The following SFSWAP variants were observed in gnomAD, a reference collection of about 807,000 sequenced individuals.
SFSWAP encodes splicing factor, suppressor of white-apricot homolog.
In SFSWAP, 17 loss-of-function variants were observed where a neutral mutation model predicts 100.7. That is an observed-to-expected ratio of 0.17 (90% CI 0.12 to 0.25). SFSWAP has a LOEUF of 0.25. Ranked by LOEUF, SFSWAP falls within the 10% of genes least tolerant of loss-of-function variation. SFSWAP has a pLI of 1.00. For synonymous variants in SFSWAP, 504 were observed against 510.1 expected (o/e 0.99, Z 0.16); for missense variants, 1,005 against 1,262.6 (o/e 0.80, Z 3.09).
chr12:131,767,521 A>G (rs1883210514), intron 13 of SFSWAP, among the ~76,000 whole-genome samples: 1 of 152,246 alleles, frequency 6.6e-6, no homozygotes. Flanking sequence ...AAACTGTGAC[A>G]AAACTGGGCA....
chr12:131,797,043 G>T (rs1885728201), intron 15 of SFSWAP, 135 bp from the exon 16 acceptor site: 2 of 709,436 alleles, frequency 2.8e-6, no homozygotes, highest in Admixed American at 4.6e-5. Flanking sequence ...GAAGTTAATG[G>T]GTTTGGAGTG....
chr12:131,741,561 G>A (rs528376768), intron 7 of SFSWAP, among the ~76,000 whole-genome samples: 1 of 151,486 alleles, frequency 6.6e-6, no homozygotes, highest in South Asian at 2.1e-4. Context: ...TGGCAGAGGG[G>A]AGGGCATCGA....
intron 15 of SFSWAP, among the ~76,000 whole-genome samples, chr12:131,790,604 T>A (rs1325867298): frequency 1.3e-5 from 2 of 152,184 alleles, no homozygotes; most frequent in African/African-American, 4.8e-5. Context: ...CATCCAGGGC[T>A]TTTCACAAGA....
intron 15 of SFSWAP, among the ~76,000 whole-genome samples, chr12:131,795,380 G>A (rs973208121): frequency 4.6e-5 from 7 of 152,212 alleles, no homozygotes; most frequent in Non-Finnish European, 8.8e-5. Flanking sequence ...AAGGGAGCCC[G>A]GACAGAAACG....
intron 1 of SFSWAP, chr12:131,713,638 T>G (rs985156512): frequency 6.6e-6 from 1 of 152,484 alleles, no homozygotes. Flanking sequence ...TTCGACCGTT[T>G]GGTTCTTACG....
chr12:131,770,721 G>A (rs1024264966), intron 13 of SFSWAP, among the ~76,000 whole-genome samples: 5 of 152,044 alleles, frequency 3.3e-5, no homozygotes, highest in African/African-American at 7.3e-5. Flanking sequence ...CCATTTTACC[G>A]TTTTTAACTG....
chr12:131,790,881 A>G (rs1458537793), intron 15 of SFSWAP, among the ~76,000 whole-genome samples: 1 of 152,214 alleles, frequency 6.6e-6, no homozygotes, highest in Non-Finnish European at 1.5e-5. Flanking sequence ...AGCAACCACT[A>G]AAAACAAAAA....
At chr12:131,721,479 C>T (rs1211036476) in intron 4 of SFSWAP, among the ~76,000 whole-genome samples, 1 of 152,156 alleles carries the variant, frequency 6.6e-6, no homozygotes, top group Non-Finnish European at 1.5e-5. Flanking sequence ...TAACATGAAG[C>T]TTTAAAAAAT....
intron 14 of SFSWAP, among the ~76,000 whole-genome samples, chr12:131,781,028 T>C (rs1884459567): frequency 6.6e-6 from 1 of 152,172 alleles, no homozygotes; most frequent in Admixed American, 6.5e-5. Context: ...CATTGGCATA[T>C]TCAGAGCTGA....
chr12:131,791,179 G>A (rs1342723432), intron 15 of SFSWAP, among the ~76,000 whole-genome samples: 1 of 151,706 alleles, frequency 6.6e-6, no homozygotes, highest in Non-Finnish European at 1.5e-5. Flanking sequence ...GATCACCTGG[G>A]GTCAGGAGTT....
Position 131,726,706 on chromosome 12 carries a change from C to T in SFSWAP, c.833-234C>T, listed in dbSNP as rs760320870. 7.8e-4 allele frequency among the ~76,000 whole-genome samples: 119 copies of T among 152,302 alleles called. 2 individuals carry two copies. The highest frequency in any genetic ancestry group is 1.2e-3 in the Non-Finnish European group (85 of 68,020). On this transcript the variant is annotated intron_variant, in intron 5 of 17. Transcript: ENST00000261674. ...GCAGAGAGAAAGAAAGCATACAGAG[C>T]CCCAGACCAGCTGGTGCTCGATGCT...
At chr12:131,746,754 T>A (rs145080812) in intron 7 of SFSWAP, among the ~76,000 whole-genome samples, 95 of 152,330 alleles carry the variant, frequency 6.2e-4, no homozygotes, top group South Asian at 2.7e-3. Context: ...GGTATGACTT[T>A]CCCTAAGAAT....
At chr12:131,741,942 C>G (rs1241761280) in intron 7 of SFSWAP, among the ~76,000 whole-genome samples, 1 of 152,086 alleles carries the variant, frequency 6.6e-6, no homozygotes, top group Non-Finnish European at 1.5e-5. Context: ...GCTCCTTCTT[C>G]CCTGGTGTGC....
chr12:131,716,244 A>G (rs1480870704), intron 3 of SFSWAP, among the ~76,000 whole-genome samples: 1 of 152,216 alleles, frequency 6.6e-6, no homozygotes, highest in Non-Finnish European at 1.5e-5. Context: ...GCTCTATTTT[A>G]TGAGCTTTTA....
Position 131,733,438 on chromosome 12 carries a change from G to A in SFSWAP, c.1081+5010G>A, listed in dbSNP as rs1475655363. 6.6e-6 allele frequency among the ~76,000 whole-genome samples: 1 copy of A among 152,160 alleles called. No homozygotes were observed. Among genetic ancestry groups the A allele is most frequent in the African/African-American group, 2.4e-5 (1 of 41,448 alleles). ...TAGGAGGAAATTTCACGATCATAAAGCACGGCATGCATCCTGAGAGCCAGG... is the reference window on the plus strand; with the variant it reads ...TAGGAGGAAATTTCACGATCATAAAACACGGCATGCATCCTGAGAGCCAGG... On this transcript the variant is annotated intron_variant, in intron 7 of 17. Coordinates refer to ENST00000261674, the MANE Select transcript of SFSWAP (RefSeq NM_004592.4). This position sits in a 1 kb window ranked among gnomAD's most constrained non-coding sequence, Gnocchi z 5.1.
rs1352518881 is a variant in SFSWAP, at chr12:131,778,221, A to G, written c.2299A>G (p.Thr767Ala). The G allele has an allele frequency of 6.8e-6, 11 of 1,614,114 alleles. No individual in the cohort carries two copies. In the Admixed American group the frequency reaches 1.8e-4, roughly 27 times the overall value. ...KKKKHKKRSR[T>A]RSRSPKYHSS... Reference sequence around the variant, plus strand: ...GAAAAAGCACAAAAAAAGATCTCGAACAAGATCACGTTCTCCCAAGTACCA... The same window carrying G: ...GAAAAAGCACAAAAAAAGATCTCGAGCAAGATCACGTTCTCCCAAGTACCA... Residue 767 changes from threonine (T) to alanine (A), a missense_variant, in exon 14 of 18, where the codon ACA (threonine) becomes GCA (alanine). Around this residue, in one of 7 missense-constraint regions of SFSWAP, gnomAD observed 295 missense variants for 347.9 expected, o/e 0.85. Transcript: ENST00000261674. This position sits in a 1 kb window ranked among gnomAD's most constrained non-coding sequence, Gnocchi z 4.2.
At chr12:131,717,820 T>A (rs1340303477) in intron 3 of SFSWAP, among the ~76,000 whole-genome samples, 1 of 152,184 alleles carries the variant, frequency 6.6e-6, no homozygotes, top group Non-Finnish European at 1.5e-5. Flanking sequence ...AACCTCCACC[T>A]CCCGGGTTCA....
intron 12 of SFSWAP, 134 bp downstream of exon 12, chr12:131,764,820 G>A: frequency 1.5e-6 from 1 of 656,440 alleles, no homozygotes; most frequent in Admixed American, 2.9e-5. Flanking sequence ...TGGGAGTTGT[G>A]TAACATGTCT....
In SFSWAP at chr12:131,788,253, C is replaced by T. The variant is rs540142059; in HGVS notation, c.2534+1665C>T. Among the ~76,000 whole-genome samples, 278 of 152,296 alleles carry T rather than the reference C, an allele frequency of 1.8e-3. 3 individuals are homozygous for T. The highest frequency in any genetic ancestry group is 6.2e-3 in the African/African-American group (259 of 41,558). On this transcript the variant is annotated intron_variant, in intron 15 of 17. Transcript: ENST00000261674. ...AGCCAGCACACTCAGACGCCAGACT[C>T]GCGTGACCTGCTGACATTCTCACCG...
Sources: allele counts gnomAD v4.1 joint callset (sites outside exome capture counted in the v4.1 genomes callset), GRCh38; gene constraint gnomAD v4.1.1; regional missense constraint gnomAD v4.1.1; non-coding constraint Gnocchi (gnomAD v3.1); transcripts MANE v1.5; gene names NCBI Gene and HGNC (gene_info 2026-07-23, HGNC 2026-07-21).